SNED1: variants seen among roughly 807,000 people sequenced by gnomAD.
SNED1 encodes the protein sushi, nidogen and EGF like domains 1.
In SNED1, 81 loss-of-function variants were observed where a neutral mutation model predicts 166.7. That is an observed-to-expected ratio of 0.49 (90% CI 0.41 to 0.58). SNED1 has a LOEUF of 0.58. SNED1 is among the 20% of genes least tolerant of loss of function. The pLI, the probability that SNED1 is intolerant of heterozygous loss-of-function variation, is 0.00. For missense variants in SNED1, 1,604 were observed against 2,000.2 expected, an observed-to-expected ratio of 0.80 and a Z score of 3.78; for synonymous variants, 762 against 822.0, an observed-to-expected ratio of 0.93 and a Z score of 1.25.
At chr2:241,059,139 A>G (rs2062154862) in intron 16 of SNED1, among the ~76,000 whole-genome samples, 1 of 152,214 alleles carries the variant, frequency 6.6e-6, no homozygotes, top group Non-Finnish European at 1.5e-5. Flanking sequence ...AGGCCAATGT[A>G]TCTGACAACT....
intron 20 of SNED1, 70 bp from the exon 21 acceptor site, chr2:241,065,229 G>T: frequency 5.2e-6 from 8 of 1,533,834 alleles, no homozygotes; most frequent in Non-Finnish European, 6.2e-6. Flanking sequence ...CTGAGCCGCC[G>T]ACGGGAGCCA....
rs1026751517 is a variant in SNED1, at chr2:241,030,543, C to G, written c.473C>G (p.Thr158Ser). 2 of 1,613,746 alleles carry G rather than the reference C, an allele frequency of 1.2e-6. No individual in the cohort carries two copies. Among genetic ancestry groups the G allele is most frequent in the African/African-American group, 2.7e-5 (2 of 74,932 alleles). The change falls in exon 2 of 32, where the codon ACC (threonine) becomes AGC (serine). Residue 158 changes from threonine to serine, a missense_variant. Thr to Ser is a moderately conservative substitution (Grantham distance 58). Coordinates refer to ENST00000310397, the MANE Select transcript of SNED1 (RefSeq NM_001080437.3). ...TTTGTTGCCACCTGGTACCGAGTGA[C>G]CTTCTTTGGAGGCAGTTCCTCATCC... The part of the protein sequence containing the change: ...WVFVATWYRV[T>S]FFGGSSSSPV...
At chr2:241,050,273 T>C (rs1050441584) in intron 12 of SNED1, among the ~76,000 whole-genome samples, 1 of 152,364 alleles carries the variant, frequency 6.6e-6, no homozygotes, top group African/African-American at 2.4e-5. Flanking sequence ...TAATTCAGCA[T>C]GGAAAATGTC....
intron 1 of SNED1, among the ~76,000 whole-genome samples, chr2:241,010,947 AC>A (rs2060372269): frequency 6.6e-6 from 1 of 152,192 alleles, no homozygotes; most frequent in African/African-American, 2.4e-5. Context: ...GAGGCCCTGG[AC>A]GATGGGATCC....
At position 241,062,898 on chromosome 2, in the gene SNED1, G is replaced by A. The variant is rs1290895510; in HGVS notation, c.2365G>A (p.Glu789Lys). ...CSTGYEGAHC[E>K]LERDECRAHP... ...CACAGGCTATGAGGGCGCCCACTGT[G>A]AGCTGGGTAAGAGGGGCCCTGGCCC... The change falls in exon 17 of 32, where the codon GAG becomes AAG. Residue 789 changes from glutamate to lysine, a missense_variant. Physicochemically the swap from Glu to Lys is moderately conservative, Grantham distance 56. Around this residue, in one of 2 missense-constraint regions of SNED1, gnomAD observed 1,237 missense variants for 1,620.8 expected, o/e 0.76. Coordinates refer to ENST00000310397, the MANE Select transcript of SNED1 (RefSeq NM_001080437.3). 3 of 1,598,096 alleles carry A rather than the reference G, an allele frequency of 1.9e-6. No individual in the cohort carries two copies. Among genetic ancestry groups the A allele is most frequent in the Non-Finnish European group, 2.6e-6 (3 of 1,173,272 alleles).
chr2:241,012,228 G>A (rs913509066), intron 1 of SNED1, among the ~76,000 whole-genome samples: 9 of 152,218 alleles, frequency 5.9e-5, no homozygotes, highest in African/African-American at 2.2e-4. Flanking sequence ...CCTGCCCCCA[G>A]ATGCTTCTCC....
chr2:241,053,858 T>C (rs574888949), intron 16 of SNED1, among the ~76,000 whole-genome samples: 1 of 152,266 alleles, frequency 6.6e-6, no homozygotes, highest in East Asian at 1.9e-4. Flanking sequence ...CCTGGAGAAG[T>C]AGGGCCATTA....
intron 1 of SNED1, among the ~76,000 whole-genome samples, chr2:241,011,813 G>A (rs538775488): frequency 1.3e-5 from 2 of 152,304 alleles, no homozygotes; most frequent in South Asian, 2.1e-4. Context: ...ACGTTGGGAC[G>A]TCCACATCTG....
At chr2:241,040,041 A>C (rs367620539) in intron 6 of SNED1, 34 bp from the exon 7 acceptor site, 1 of 1,484,452 alleles carries the variant, frequency 6.7e-7, no homozygotes, top group African/African-American at 1.4e-5. Flanking sequence ...CATAACTGGG[A>C]GTCCATCGTC....
In SNED1 at chr2:241,052,408, C is replaced by G. The variant is rs769639798; in HGVS notation, c.2023C>G (p.Arg675Gly). Reference sequence around the variant, plus strand: ...TGTGAATGGGGGCACCTGCGAGGACCGGGACACGGATTTCTTCTGCCACTG... The same window carrying G: ...TGTGAATGGGGGCACCTGCGAGGACGGGGACACGGATTTCTTCTGCCACTG... ...PCVNGGTCEDRDTDFFCHCQA... is the reference protein window; with the variant it reads ...PCVNGGTCEDGDTDFFCHCQA... Residue 675 changes from arginine to glycine, a missense_variant, in exon 15 of 32, where the codon CGG becomes GGG. Physicochemically the swap from Arg to Gly is moderately radical, Grantham distance 125. Around this residue, in one of 2 missense-constraint regions of SNED1, gnomAD observed 1,237 missense variants for 1,620.8 expected, o/e 0.76. Transcript: ENST00000310397. The G allele has an allele frequency of 6.2e-7, 1 of 1,602,786 alleles. No homozygotes were observed. Among genetic ancestry groups the G allele is most frequent in the Non-Finnish European group, 8.5e-7 (1 of 1,174,328 alleles).
rs373271908 is a variant in SNED1 at position 241,068,002 on chromosome 2, G to A, written c.3194+55G>A. On this transcript the variant is annotated intron_variant, in intron 22 of 31. Transcript: ENST00000310397. This position sits in a 1 kb window ranked among gnomAD's most constrained non-coding sequence, Gnocchi z 5.3. ...GGGGTGAAGGCAGGGGTGGGGGCTC[G>A]GGGACACGGGGCCCAGGTCTCGGGC... 1,712 of 1,489,538 alleles carry A rather than the reference G, an allele frequency of 1.1e-3. 14 individuals carry two copies. In the African/African-American group the frequency reaches 0.019, roughly 16 times the overall value. 92.3% of individuals were successfully genotyped at this position (1,489,538 alleles called of 1,614,324 possible). A position where few individuals can be genotyped will look rare whatever the true frequency, so the allele number is the denominator to read the frequency against.
chr2:241,011,053 TGCCTG>T (rs1251662192), intron 1 of SNED1, among the ~76,000 whole-genome samples: 2 of 146,276 alleles, frequency 1.4e-5, no homozygotes, highest in Non-Finnish European at 3.0e-5. Context: ...CCTCCCTCCC[TGCCTG>T]GGGGTGGCAG....
chr2:241,014,687 A>G (rs1354583902), intron 1 of SNED1, among the ~76,000 whole-genome samples: 1 of 152,002 alleles, frequency 6.6e-6, no homozygotes, highest in African/African-American at 2.4e-5. Flanking sequence ...CTCATTCTGC[A>G]CTCGTTTCAT....
chr2:241,016,720 C>G (rs2060604986), intron 1 of SNED1, among the ~76,000 whole-genome samples: 1 of 152,064 alleles, frequency 6.6e-6, no homozygotes, highest in Non-Finnish European at 1.5e-5. Context: ...GTGTAACTCA[C>G]TGGTGATGCT....
intron 1 of SNED1, among the ~76,000 whole-genome samples, chr2:241,012,361 G>A (rs548444358): frequency 6.6e-6 from 1 of 152,328 alleles, no homozygotes; most frequent in South Asian, 2.1e-4. Flanking sequence ...ACCCTGGTGG[G>A]CCCACTGCCA....
In SNED1 at chr2:241,086,228, C is replaced by T. The variant is rs547852941; in HGVS notation, c.4122-1164C>T. On this transcript the variant is annotated intron_variant, in intron 29 of 31. Transcript: ENST00000310397. ...ATCTCTCTACTCTGGCTCTGGAAAT[C>T]GTTCAACTCCTCAGTAGTTCTTCTT... Among the ~76,000 whole-genome samples the T allele has an allele frequency of 6.6e-5, 10 of 152,306 alleles. No homozygotes were observed. The East Asian group carries it at 1.7e-3, about 26-fold the overall frequency.
In SNED1 at chr2:241,024,925, C is replaced by G. The variant is rs188187518; in HGVS notation, c.214-5359C>G. 3.9e-5 allele frequency among the ~76,000 whole-genome samples: 6 copies of G among 152,304 alleles called. No individual in the cohort carries two copies. In the East Asian group the frequency reaches 1.2e-3, roughly 29 times the overall value. ...CTGACCTTAGGTGATCCATGTGCCT[C>G]AGCCTCCCAAAGTGTTGGGATTACA... On this transcript the variant is annotated intron_variant, in intron 1 of 31. Transcript: ENST00000310397.
intron 2 of SNED1, chr2:241,033,360 T>TTA (rs2061246504): frequency 5.3e-6 from 1 of 190,218 alleles, no homozygotes; most frequent in African/African-American, 2.4e-5. Flanking sequence ...CGGCTCTTCC[T>TTA]TGCTTCTTTT....
chr2:241,033,289 A>G (rs1479269243), intron 2 of SNED1, among the ~76,000 whole-genome samples: 4 of 152,194 alleles, frequency 2.6e-5, no homozygotes, highest in African/African-American at 9.7e-5. Flanking sequence ...CTGCCTGCCA[A>G]TATTTCCTTG....
Sources: allele counts gnomAD v4.1 joint callset (sites outside exome capture counted in the v4.1 genomes callset), GRCh38; gene constraint gnomAD v4.1.1; regional missense constraint gnomAD v4.1.1; non-coding constraint Gnocchi (gnomAD v3.1); transcripts MANE v1.5; gene names NCBI Gene and HGNC (gene_info 2026-07-23, HGNC 2026-07-21).